FCRL5: variants seen among roughly 807,000 people sequenced by gnomAD.
FCRL5 encodes the protein Fc receptor-like protein 5.
Under a neutral mutation model 92.1 loss-of-function variants are expected in FCRL5, and 79 were observed. The ratio of observed to expected loss-of-function variants is 0.86; its 90% CI spans 0.72 to 1.03. FCRL5 has a LOEUF of 1.03. Among genes scored for constraint, FCRL5 ranks in the 50% least tolerant of loss-of-function variants. The pLI is 0.00. For synonymous variants in FCRL5, 466 were observed against 469.3 expected, an observed-to-expected ratio of 0.99 and a Z score of 0.09; for missense variants, 1,160 against 1,181.1, an observed-to-expected ratio of 0.98 and a Z score of 0.26.
chr1:157,538,412 G>T (rs1414165351), intron 7 of FCRL5, among the ~76,000 whole-genome samples: 1 of 152,184 alleles, frequency 6.6e-6, no homozygotes, highest in Non-Finnish European at 1.5e-5. Context: ...AGCCACACAT[G>T]GATGGTTCAA....
intron 5 of FCRL5, among the ~76,000 whole-genome samples, chr1:157,543,637 G>A (rs1367424925): frequency 5.3e-5 from 8 of 152,128 alleles, no homozygotes; most frequent in Admixed American, 6.5e-5. Flanking sequence ...AAGTGAGCCC[G>A]GAGTTTGCCA....
intron 7 of FCRL5, among the ~76,000 whole-genome samples, chr1:157,538,732 C>G (rs1558137144): frequency 1.3e-5 from 2 of 152,210 alleles, no homozygotes; most frequent in Admixed American, 6.5e-5. Flanking sequence ...CTCCTGAGAA[C>G]TGAGTCTGAG....
chr1:157,545,637 T>C (rs1651497464), intron 3 of FCRL5, among the ~76,000 whole-genome samples: 1 of 148,510 alleles, frequency 6.7e-6, no homozygotes, highest in South Asian at 2.3e-4. Context: ...CATGCCATTC[T>C]CCTGCCTCAG....
At chr1:157,530,986 A>G (rs560691203) in intron 8 of FCRL5, among the ~76,000 whole-genome samples, 1 of 152,380 alleles carries the variant, frequency 6.6e-6, no homozygotes, top group South Asian at 2.1e-4. Context: ...ATGGGATTAC[A>G]TCAAGCTGAA....
chr1:157,526,328 T>C lies in FCRL5; in HGVS notation c.1960+1289A>G, dbSNP rs149191213. Among the ~76,000 whole-genome samples, 1,102 of 152,180 alleles carry C rather than the reference T, an allele frequency of 7.2e-3. 4 individuals are homozygous for C. Among genetic ancestry groups the C allele is most frequent in the Admixed American group, 0.011 (170 of 15,292 alleles). The stretch of plus-strand genomic sequence containing the variant: ...TGTGAGAAACATTTTGGTGGAGAGG[T>C]TGGAAAAACCTAGTAGATTAGAGCC... On this transcript the variant is annotated intron_variant, in intron 9 of 16. Coordinates refer to ENST00000361835, the MANE Select transcript of FCRL5 (RefSeq NM_031281.3).
chr1:157,537,715 C>T (rs1377795365), intron 7 of FCRL5, among the ~76,000 whole-genome samples: 2 of 152,158 alleles, frequency 1.3e-5, no homozygotes, highest in Non-Finnish European at 2.9e-5. Context: ...CCCCCGGACA[C>T]CCAGCTTTAA....
At position 157,516,151 on chromosome 1, in the gene FCRL5, TTG is replaced by T. The variant is rs1649923553; in HGVS notation, c.2813-280_2813-279del. The T allele has an allele frequency of 3.0e-5, 17 of 567,070 alleles. No individual in the cohort carries two copies. In the South Asian group the frequency reaches 3.4e-4, roughly 11 times the overall value. The allele number at this position is 567,070 out of a possible 1,614,324, so 35.1% of individuals were successfully genotyped here. A position where few individuals can be genotyped will look rare whatever the true frequency, so the allele number is the denominator to read the frequency against. On this transcript the variant is annotated intron_variant, in intron 15 of 16. Coordinates refer to ENST00000361835, the MANE Select transcript of FCRL5 (RefSeq NM_031281.3). ...AAGAGAAAGTCATTTGTCTTTTATC[TTG>T]TTAGTTATTTGAGCATAATTGGTAT...
rs528774472 is a variant in FCRL5 at position 157,520,184 on chromosome 1, C to T, written c.2632+247G>A. 2.6e-5 allele frequency among the ~76,000 whole-genome samples: 4 copies of T among 152,280 alleles called. No individual in the cohort carries two copies. In the South Asian group the frequency reaches 6.2e-4, roughly 24 times the overall value. On this transcript the variant is annotated intron_variant, in intron 12 of 16. Coordinates refer to ENST00000361835, the MANE Select transcript of FCRL5 (RefSeq NM_031281.3). ...TCTTATAAGGGTCGAGAGGAAGACA[C>T]TCTGTAGTTTATGATGTTGGATAAA... is the stretch of plus-strand genomic sequence containing the variant.
At chr1:157,531,682 C>A (rs891704339) in intron 8 of FCRL5, among the ~76,000 whole-genome samples, 2 of 152,000 alleles carry the variant, frequency 1.3e-5, no homozygotes, top group African/African-American at 2.4e-5. Context: ...TATAAAAAGA[C>A]CTGGAGGATA....
chr1:157,521,810 C>A (rs1033011267), intron 10 of FCRL5: 1 of 152,602 alleles, frequency 6.6e-6, no homozygotes, highest in African/African-American at 2.4e-5. Flanking sequence ...CACCTATAAT[C>A]CCAGCGATTT....
At chr1:157,528,080 C>T in intron 8 of FCRL5, 185 bp from the exon 9 acceptor site, 1 of 560,548 alleles carries the variant, frequency 1.8e-6, no homozygotes, top group Non-Finnish European at 2.8e-6. Flanking sequence ...AAAGACTCAT[C>T]CAAAAAGCTC....
chr1:157,544,712 A>G, intron 4 of FCRL5, 119 bp downstream of exon 4: 1 of 1,456,980 alleles, frequency 6.9e-7, no homozygotes, highest in Non-Finnish European at 9.5e-7. Context: ...TGCTCCTTGC[A>G]GGAATGTGTC....
intron 8 of FCRL5, chr1:157,532,503 T>A (rs1048725476): frequency 2.6e-5 from 4 of 151,896 alleles, no homozygotes; most frequent in African/African-American, 9.7e-5. Context: ...AGAAAATGAT[T>A]GTTCCTTTAC....
chr1:157,516,215 G>C, intron 15 of FCRL5: 1 of 415,156 alleles, frequency 2.4e-6, no homozygotes, highest in Non-Finnish European at 4.5e-6. Flanking sequence ...GCAAGTTTTA[G>C]AGAGCACACT....
At chr1:157,530,919 A>C (rs531094084) in intron 8 of FCRL5, among the ~76,000 whole-genome samples, 1 of 152,248 alleles carries the variant, frequency 6.6e-6, no homozygotes, top group Non-Finnish European at 1.5e-5. Context: ...TGTTCTTCTA[A>C]AAGACTGGAC....
intron 2 of FCRL5, among the ~76,000 whole-genome samples, chr1:157,547,577 T>G (rs1215046873): frequency 6.6e-6 from 1 of 152,244 alleles, no homozygotes; most frequent in Non-Finnish European, 1.5e-5. Flanking sequence ...GCACTTTCCC[T>G]AAGAGAATAA....
intron 8 of FCRL5, chr1:157,533,040 T>C (rs7517509): frequency 0.72 from 110,014 of 152,000 alleles, 42,910 homozygotes; most frequent in South Asian, 0.86. Context: ...CTCTTTGGTA[T>C]TGAGTGCACT....
rs140234522 is a variant in FCRL5 at position 157,515,682 on chromosome 1, T to C, written c.2927A>G (p.His976Arg). The change falls in exon 17 of 17, where the codon CAC becomes CGC. Residue 976 changes from histidine (H) to arginine (R), a missense_variant. Transcript: ENST00000361835. ...GSLFLASSAP[H>R]R is the part of the protein sequence containing the mutation. ...TTGGAGAGACGTGTGGACTCATCTG[T>C]GAGGAGCTGAGGAAGCCAAGAACAG... The C allele has an allele frequency of 4.8e-4, 781 of 1,614,020 alleles. 2 individuals carry two copies. The African/African-American group carries it at 8.4e-3, about 17-fold the overall frequency.
intron 6 of FCRL5, chr1:157,542,216 A>G (rs1651297806): frequency 6.6e-6 from 1 of 152,516 alleles, no homozygotes; most frequent in Non-Finnish European, 1.5e-5. Context: ...TGAGATCCAA[A>G]GCTCAAAGGA....
Sources: allele counts gnomAD v4.1 joint callset (sites outside exome capture counted in the v4.1 genomes callset), GRCh38; gene constraint gnomAD v4.1.1; transcripts MANE v1.5; gene names NCBI Gene and HGNC (gene_info 2026-07-23, HGNC 2026-07-21).